The following EEA1 variants were observed in gnomAD, a reference collection of about 807,000 sequenced individuals.
EEA1 encodes the protein early endosome antigen 1, 162kD.
A neutral mutation model predicts 209.2 loss-of-function variants in EEA1; 111 were observed. The ratio of observed to expected loss-of-function variants is 0.53; its 90% CI spans 0.45 to 0.62. EEA1 has a LOEUF of 0.62. Ranked by LOEUF, EEA1 falls within the 20% of genes least tolerant of loss-of-function variation. The pLI is 0.00. For missense variants in EEA1, 1,343 were observed against 1,530.8 expected (o/e 0.88, Z 2.05); for synonymous variants, 536 against 540.6 (o/e 0.99, Z 0.12).
chr12:92,782,100 G>T lies in EEA1; in HGVS notation c.3186C>A (p.Asp1062Glu), dbSNP rs1565805829. 1 of 1,611,982 alleles carries T rather than the reference G, an allele frequency of 6.2e-7. No individual in the cohort carries two copies. The highest frequency in any genetic ancestry group is 8.5e-7 in the Non-Finnish European group (1 of 1,178,770). Residue 1062 changes from aspartate to glutamate, a missense_variant, in exon 23 of 29, where the codon GAC (aspartate) becomes GAA (glutamate). Asp to Glu is a conservative substitution (Grantham distance 45). Transcript: ENST00000322349. Reference sequence around the variant, plus strand: ...CAATTTGATTTCTGTTTGAAATCAAGTCCTCCTGTGCTAGAGAAAGCTTCT... The same window carrying T: ...CAATTTGATTTCTGTTTGAAATCAATTCCTCCTGTGCTAGAGAAAGCTTCT... ...VEEKLSLAQE[D>E]LISNRNQIGN...
intron 1 of EEA1, among the ~76,000 whole-genome samples, chr12:92,908,139 T>C (rs888275318): frequency 6.6e-6 from 1 of 152,248 alleles, no homozygotes; most frequent in African/African-American, 2.4e-5. Context: ...TGAAATATTA[T>C]TCAGCCTTTA....
At chr12:92,916,376 C>T (rs1592777223) in intron 1 of EEA1, among the ~76,000 whole-genome samples, 1 of 151,888 alleles carries the variant, frequency 6.6e-6, no homozygotes, top group South Asian at 2.1e-4. Context: ...AAATCTGGGC[C>T]GGGCGCGGTG....
chr12:92,843,248 TC>T (rs1227191513), intron 9 of EEA1, among the ~76,000 whole-genome samples: 2 of 152,018 alleles, frequency 1.3e-5, no homozygotes, highest in South Asian at 2.1e-4. Context: ...GCTCTGAGCC[TC>T]CCCGCTTCAA....
intron 1 of EEA1, among the ~76,000 whole-genome samples, chr12:92,896,237 G>A (rs548500503): frequency 6.6e-6 from 1 of 152,286 alleles, no homozygotes; most frequent in South Asian, 2.1e-4. Flanking sequence ...CTCCCAAAGT[G>A]CCGGGATTAC....
At chr12:92,900,597 T>C (rs1880105019) in intron 1 of EEA1, among the ~76,000 whole-genome samples, 1 of 151,826 alleles carries the variant, frequency 6.6e-6, no homozygotes, top group African/African-American at 2.4e-5. Context: ...CTCATGGATG[T>C]GGCAAAAAGT....
At chr12:92,906,670 C>T (rs1349790573) in intron 1 of EEA1, among the ~76,000 whole-genome samples, 1 of 151,992 alleles carries the variant, frequency 6.6e-6, no homozygotes, top group Non-Finnish European at 1.5e-5. Context: ...AAAGGTTAGC[C>T]GGGCATAGTG....
intron 13 of EEA1, among the ~76,000 whole-genome samples, chr12:92,825,065 T>C (rs1317705566): frequency 1.3e-5 from 2 of 152,204 alleles, no homozygotes; most frequent in African/African-American, 2.4e-5. Flanking sequence ...TATCATTAGA[T>C]TGCCATCTCC....
chr12:92,801,023 G>C (rs184706503), intron 20 of EEA1, among the ~76,000 whole-genome samples: 3 of 152,274 alleles, frequency 2.0e-5, no homozygotes, highest in Admixed American at 2.0e-4. Flanking sequence ...GCAGCTAGCA[G>C]GTATGGCTTC....
In EEA1 at chr12:92,929,162, G is replaced by C; in HGVS notation, c.-96C>G. 1.8e-5 allele frequency: 23 copies of C among 1,308,268 alleles called. No homozygotes were observed. Among genetic ancestry groups the C allele is most frequent in the Non-Finnish European group, 2.4e-5 (23 of 948,092 alleles). The allele number at this position is 1,308,268 out of a possible 1,614,324, so 81.0% of individuals were successfully genotyped here. A position where few individuals can be genotyped will look rare whatever the true frequency, so the allele number is the denominator to read the frequency against. On this transcript the variant is annotated 5_prime_UTR_variant, in exon 1 of 29. Transcript: ENST00000322349. ...TGCGCGGGCGGGAGGGACTGGGCCGGGAGGGGACCGGGAAGGAGGTCGGGG... is the reference window on the plus strand; with the variant it reads ...TGCGCGGGCGGGAGGGACTGGGCCGCGAGGGGACCGGGAAGGAGGTCGGGG...
intron 1 of EEA1, chr12:92,905,727 C>A (rs971351572): frequency 2.0e-5 from 3 of 152,164 alleles, no homozygotes; most frequent in South Asian, 2.1e-4. Flanking sequence ...ATCAAAGAAG[C>A]AAACACAAAT....
intron 5 of EEA1, among the ~76,000 whole-genome samples, chr12:92,855,797 A>G (rs1877855585): frequency 6.6e-6 from 1 of 152,232 alleles, no homozygotes; most frequent in African/African-American, 2.4e-5. Context: ...ACTGTGGAAA[A>G]GTTATTTAAG....
At chr12:92,838,666 A>G (rs144576347) in intron 10 of EEA1, among the ~76,000 whole-genome samples, 9 of 152,304 alleles carry the variant, frequency 5.9e-5, no homozygotes, top group African/African-American at 2.2e-4. Flanking sequence ...CATCTAGTAA[A>G]TCTGAGCACG....
chr12:92,912,375 T>C (rs1373713609), intron 1 of EEA1, among the ~76,000 whole-genome samples: 1 of 152,092 alleles, frequency 6.6e-6, no homozygotes, highest in African/African-American at 2.4e-5. Context: ...TGACTAATGG[T>C]AGTAGCAAAT....
intron 18 of EEA1, among the ~76,000 whole-genome samples, chr12:92,804,927 G>C (rs1038476197): frequency 2.0e-5 from 3 of 152,132 alleles, no homozygotes; most frequent in Non-Finnish European, 4.4e-5. Flanking sequence ...GAAGACCTCA[G>C]AGGAGAAATG....
chr12:92,852,113 G>A, intron 8 of EEA1, 62 bp downstream of exon 8: 2 of 1,292,520 alleles, frequency 1.5e-6, no homozygotes, highest in South Asian at 1.9e-5. Flanking sequence ...TTCAGGGTAT[G>A]TATTTTATTT....
chr12:92,799,120 T>C, intron 20 of EEA1, 34 bp from the exon 21 acceptor site: 2 of 1,514,304 alleles, frequency 1.3e-6, no homozygotes, highest in Non-Finnish European at 1.8e-6. Context: ...TAGCCTTCAT[T>C]TGTTCATTCA....
intron 3 of EEA1, chr12:92,858,523 A>C: frequency 1.2e-6 from 1 of 806,686 alleles, no homozygotes; most frequent in South Asian, 1.4e-5. Flanking sequence ...GAAACTGAGG[A>C]GTGTATGTAG....
At position 92,929,252 on chromosome 12, in the gene EEA1, CGA is replaced by C. The variant is rs1881338071; in HGVS notation, c.-188_-187del. The C allele has an allele frequency of 4.5e-6, 2 of 448,094 alleles. No homozygotes were observed. Among genetic ancestry groups the C allele is most frequent in the Non-Finnish European group, 7.8e-6 (2 of 255,876 alleles). 27.8% of individuals were successfully genotyped at this position (448,094 alleles called of 1,614,324 possible). A position where few individuals can be genotyped will look rare whatever the true frequency, so the allele number is the denominator to read the frequency against. ...CCCACAGGCGGCGAGAGGGAGCACG[CGA>C]GAGAGAGCGAGCGAACGACTAGGCA... On this transcript the variant is annotated 5_prime_UTR_variant, in exon 1 of 29. Coordinates refer to ENST00000322349, the MANE Select transcript of EEA1 (RefSeq NM_003566.4).
intron 2 of EEA1, chr12:92,884,236 T>A: frequency 1.3e-6 from 2 of 1,518,312 alleles, no homozygotes; most frequent in Non-Finnish European, 1.8e-6. Context: ...TTGACGACCA[T>A]GACTCCGTGG....
Sources: allele counts gnomAD v4.1 joint callset (sites outside exome capture counted in the v4.1 genomes callset), GRCh38; gene constraint gnomAD v4.1.1; transcripts MANE v1.5; gene names NCBI Gene and HGNC (gene_info 2026-07-23, HGNC 2026-07-21).